The following TANC2 variants were observed in gnomAD, a reference collection of about 807,000 sequenced individuals.
The protein encoded by TANC2 is protein TANC2.
In TANC2, 26 loss-of-function variants were observed where a neutral mutation model predicts 210.5. The observed-to-expected ratio is 0.12, with a 90% CI of 0.09 to 0.17. The LOEUF is 0.17. TANC2 is among the 10% of genes least tolerant of loss of function. TANC2 has a pLI of 1.00. For synonymous variants in TANC2, 931 were observed against 967.1 expected, an observed-to-expected ratio of 0.96 and a Z score of 0.69; for missense variants, 2,129 against 2,608.9, an observed-to-expected ratio of 0.82 and a Z score of 4.01.
intron 19 of TANC2, among the ~76,000 whole-genome samples, chr17:63,402,491 A>G (rs571613174): frequency 1.3e-5 from 2 of 152,144 alleles, no homozygotes; most frequent in South Asian, 2.1e-4. Context: ...TCCCCCTCCT[A>G]CCCGACCCCT....
intron 2 of TANC2, among the ~76,000 whole-genome samples, chr17:63,072,097 C>T (rs1327961049): frequency 6.6e-6 from 1 of 152,042 alleles, no homozygotes; most frequent in Non-Finnish European, 1.5e-5. Context: ...TTCTTAAATA[C>T]ATTTTAGAAA....
chr17:63,307,756 CTGT>C (rs34795340), intron 9 of TANC2, among the ~76,000 whole-genome samples: 2 of 111,778 alleles, frequency 1.8e-5, no homozygotes, highest in Middle Eastern at 3.6e-3. Context: ...TTTGTTGTTG[CTGT>C]TGTTGTTGTT....
intron 1 of TANC2, among the ~76,000 whole-genome samples, chr17:62,976,854 G>A (rs985166866): frequency 1.3e-5 from 2 of 152,120 alleles, no homozygotes; most frequent in Non-Finnish European, 2.9e-5. Flanking sequence ...ACCTTTCTTA[G>A]CATTCCACAA....
At chr17:63,191,284 A>G (rs1273585419) in intron 5 of TANC2, among the ~76,000 whole-genome samples, 3 of 150,880 alleles carry the variant, frequency 2.0e-5, no homozygotes, top group Non-Finnish European at 4.4e-5. Context: ...ATTTGAATAC[A>G]CTATTATGTT....
exon 14 of TANC2, chr17:63,354,966 C>T: frequency 6.2e-7 from 1 of 1,613,914 alleles, no homozygotes; most frequent in Non-Finnish European, 8.5e-7. Flanking sequence ...CAGTTCTCAT[C>T]TCAAGACCCT....
intron 7 of TANC2, among the ~76,000 whole-genome samples, chr17:63,214,595 A>G (rs895956750): frequency 9.9e-5 from 15 of 152,218 alleles, no homozygotes; most frequent in African/African-American, 3.6e-4. Flanking sequence ...CATCCCTTGT[A>G]GCTGAAGCCT....
chr17:63,415,565 A>G (rs370300150), exon 26 of TANC2: 1 of 1,613,888 alleles, frequency 6.2e-7, no homozygotes, highest in Middle Eastern at 1.7e-4. Flanking sequence ...CGCTACCAGT[A>G]CGCCCTGAAG....
intron 11 of TANC2, among the ~76,000 whole-genome samples, chr17:63,323,490 G>C (rs1443767799): frequency 6.6e-6 from 1 of 152,174 alleles, no homozygotes; most frequent in East Asian, 1.9e-4. Flanking sequence ...GGGACAGGGA[G>C]ATCTCATTCA....
intron 11 of TANC2, among the ~76,000 whole-genome samples, chr17:63,335,251 C>T (rs2045986371): frequency 6.6e-6 from 1 of 152,132 alleles, no homozygotes; most frequent in Admixed American, 6.5e-5. Flanking sequence ...TCAGTTACAT[C>T]ATGAGAAAAC....
intron 7 of TANC2, among the ~76,000 whole-genome samples, chr17:63,215,422 T>C (rs1430651994): frequency 6.6e-6 from 1 of 152,132 alleles, no homozygotes; most frequent in Admixed American, 6.5e-5. Flanking sequence ...TAGGAGCATC[T>C]TGGCAGGCCC....
chr17:63,139,785 C>T (rs186112048), intron 4 of TANC2, among the ~76,000 whole-genome samples: 37 of 152,200 alleles, frequency 2.4e-4, no homozygotes, highest in Admixed American at 1.6e-3. Flanking sequence ...GCGCCTGTAA[C>T]GCCAGCTACT....
chr17:63,181,047 A>C (rs1280059235), intron 5 of TANC2, among the ~76,000 whole-genome samples: 1 of 151,150 alleles, frequency 6.6e-6, no homozygotes, highest in Non-Finnish European at 1.5e-5. Flanking sequence ...AAAAAAAAAA[A>C]AAAAGAGTAG....
intron 15 of TANC2, among the ~76,000 whole-genome samples, chr17:63,383,518 C>T (rs2047679398): frequency 6.6e-6 from 1 of 152,122 alleles, no homozygotes; most frequent in Admixed American, 6.5e-5. Context: ...AAGATTTCTA[C>T]ATGTCTTTTT....
chr17:63,067,842 A>G (rs752895527), intron 2 of TANC2, among the ~76,000 whole-genome samples: 1 of 152,230 alleles, frequency 6.6e-6, no homozygotes, highest in African/African-American at 2.4e-5. Context: ...ATCTAGATTC[A>G]TAACATTGGA....
At chr17:63,370,704 C>T (rs1370824578) in intron 14 of TANC2, among the ~76,000 whole-genome samples, 2 of 152,184 alleles carry the variant, frequency 1.3e-5, no homozygotes, top group African/African-American at 4.8e-5. Flanking sequence ...TTTTCAGAGA[C>T]GCAGGCCAAT....
At chr17:63,293,149 T>C (rs928654916) in intron 9 of TANC2, among the ~76,000 whole-genome samples, 2 of 152,196 alleles carry the variant, frequency 1.3e-5, no homozygotes, top group Non-Finnish European at 2.9e-5. Context: ...TCTAGTCCTA[T>C]TCCTGAGCAC....
rs562933069 is a variant in TANC2, at chr17:63,044,705, C to G, written c.68-29238C>G. ...TACCAATTTATATTCTTAGAAGTGT[C>G]TGAGAGTTTTTTCTTTTTCCTATCC... On this transcript the variant is annotated intron_variant, in intron 2 of 27. Coordinates refer to ENST00000689528, the Ensembl canonical transcript of TANC2. Among the ~76,000 whole-genome samples the G allele has an allele frequency of 2.3e-3, 346 of 152,190 alleles. 2 individuals are homozygous for G. Among genetic ancestry groups the G allele is most frequent in the African/African-American group, 7.8e-3 (326 of 41,540 alleles).
intron 7 of TANC2, among the ~76,000 whole-genome samples, chr17:63,221,991 C>T (rs1313917588): frequency 1.3e-5 from 2 of 152,156 alleles, no homozygotes; most frequent in Non-Finnish European, 2.9e-5. Context: ...AGGTCTTAGT[C>T]CATTTGGGCT....
At chr17:63,095,026 T>G (rs537401301) in intron 3 of TANC2, among the ~76,000 whole-genome samples, 4 of 152,216 alleles carry the variant, frequency 2.6e-5, no homozygotes, top group Non-Finnish European at 5.9e-5. Context: ...CTTCATGTTA[T>G]AAAACTATAC....
Sources: allele counts gnomAD v4.1 joint callset (sites outside exome capture counted in the v4.1 genomes callset), GRCh38; gene constraint gnomAD v4.1.1; transcripts MANE v1.5; gene names NCBI Gene and HGNC (gene_info 2026-07-23, HGNC 2026-07-21).